EYA1: variants seen among roughly 807,000 people sequenced by gnomAD.
The protein encoded by EYA1 is protein phosphatase EYA1.
Under a neutral mutation model 82.0 loss-of-function variants are expected in EYA1, and 16 were observed. The observed-to-expected ratio is 0.20, with a 90% confidence interval of 0.13 to 0.30. The LOEUF is 0.30. Among genes scored for constraint, EYA1 ranks in the 10% least tolerant of loss-of-function variants. The pLI, the probability that EYA1 is intolerant of heterozygous loss-of-function variation, is 1.00. For missense variants in EYA1, 633 were observed against 730.7 expected, an observed-to-expected ratio of 0.87 and a Z score of 1.54; for synonymous variants, 261 against 264.4, an observed-to-expected ratio of 0.99 and a Z score of 0.12.
intron 2 of EYA1, among the ~76,000 whole-genome samples, chr8:71,452,119 T>A (rs1807433244): frequency 6.6e-6 from 1 of 152,208 alleles, no homozygotes; most frequent in African/African-American, 2.4e-5. Context: ...ACCAGGAGAT[T>A]ATATCCCACG....
chr8:71,538,952 C>T (rs1051409020), intron 1 of EYA1, among the ~76,000 whole-genome samples: 3 of 152,050 alleles, frequency 2.0e-5, no homozygotes, highest in Non-Finnish European at 4.4e-5. Context: ...GTGCATCTAC[C>T]CTAAATGGCC....
At chr8:71,512,384 A>G (rs1298812547) in intron 2 of EYA1, among the ~76,000 whole-genome samples, 1 of 152,084 alleles carries the variant, frequency 6.6e-6, no homozygotes, top group Non-Finnish European at 1.5e-5. Flanking sequence ...ATCAAAGACT[A>G]CATGATTTCT....
At chr8:71,531,316 T>C (rs148072809) in intron 2 of EYA1, 130 of 152,342 alleles carry the variant, frequency 8.5e-4, no homozygotes, top group African/African-American at 3.0e-3. Context: ...ATCTGTTTTA[T>C]AGCAGAAGAG....
At chr8:71,394,364 C>G (rs1219580701) in intron 2 of EYA1, among the ~76,000 whole-genome samples, 3 of 152,242 alleles carry the variant, frequency 2.0e-5, no homozygotes, top group Middle Eastern at 3.4e-3. Context: ...GAAGCCCTTG[C>G]CCATGCCTAT....
chr8:71,231,327 CAG>C (rs1413548635), intron 12 of EYA1, among the ~76,000 whole-genome samples: 2 of 152,228 alleles, frequency 1.3e-5, no homozygotes, highest in East Asian at 3.9e-4. Context: ...ATTCCCTTAG[CAG>C]AGTGTGCAAA....
chr8:71,491,725 G>T (rs1200913797), intron 2 of EYA1, among the ~76,000 whole-genome samples: 1 of 152,162 alleles, frequency 6.6e-6, no homozygotes. Flanking sequence ...GCTGTAGCAA[G>T]TTAACACACA....
chr8:71,539,565 C>T (rs867773374), intron 1 of EYA1, among the ~76,000 whole-genome samples: 13 of 152,136 alleles, frequency 8.5e-5, no homozygotes, highest in Middle Eastern at 3.2e-3. Flanking sequence ...ATTGATCTTT[C>T]GAACACCTTA....
At position 71,210,685 on chromosome 8, in the gene EYA1, G is replaced by A. The variant is rs958965790; in HGVS notation, c.1698+471C>T. Among the ~76,000 whole-genome samples, 69 of 152,178 alleles carry A rather than the reference G, an allele frequency of 4.5e-4. 1 individual carries two copies. Among genetic ancestry groups the A allele is most frequent in the African/African-American group, 1.6e-3 (67 of 41,454 alleles). On this transcript the variant is annotated intron_variant, in intron 17 of 17. Transcript: ENST00000340726. Reference sequence around the variant, plus strand: ...AGAGACAGGTAGGACCTCATGATATGAAGAAGACATCGAGTCTTCTGGGGC... The same window carrying A: ...AGAGACAGGTAGGACCTCATGATATAAAGAAGACATCGAGTCTTCTGGGGC...
At chr8:71,312,807 T>C (rs1261082786) in intron 7 of EYA1, among the ~76,000 whole-genome samples, 1 of 152,240 alleles carries the variant, frequency 6.6e-6, no homozygotes, top group Non-Finnish European at 1.5e-5. Context: ...ACTAGGTTAG[T>C]CCTTGGCATA....
At chr8:71,377,485 T>C (rs1203965296) in intron 2 of EYA1, among the ~76,000 whole-genome samples, 2 of 152,214 alleles carry the variant, frequency 1.3e-5, no homozygotes, top group East Asian at 3.8e-4. Context: ...AAGTCACTCT[T>C]GCAAATGATT....
At chr8:71,483,926 T>C (rs1423824987) in intron 2 of EYA1, among the ~76,000 whole-genome samples, 1 of 152,144 alleles carries the variant, frequency 6.6e-6, no homozygotes, top group Non-Finnish European at 1.5e-5. Context: ...TAAATTGTTT[T>C]CTTCTGTCAT....
chr8:71,401,080 G>A (rs1461396378), intron 2 of EYA1, among the ~76,000 whole-genome samples: 2 of 152,146 alleles, frequency 1.3e-5, no homozygotes, highest in African/African-American at 4.8e-5. Context: ...AGTGTGAGCT[G>A]AACAATGAGA....
At chr8:71,211,775 T>C (rs1305653420) in intron 16 of EYA1, among the ~76,000 whole-genome samples, 1 of 152,172 alleles carries the variant, frequency 6.6e-6, no homozygotes, top group Non-Finnish European at 1.5e-5. Flanking sequence ...ACATCGGAAT[T>C]AGCTTATTCC....
At chr8:71,502,101 A>AT (rs1473557746) in intron 2 of EYA1, among the ~76,000 whole-genome samples, 1 of 152,204 alleles carries the variant, frequency 6.6e-6, no homozygotes, top group Admixed American at 6.5e-5. Context: ...GGAAAACAAA[A>AT]TGATTTTAAA....
At chr8:71,221,113 A>G (rs1809852641) in intron 12 of EYA1, among the ~76,000 whole-genome samples, 2 of 152,246 alleles carry the variant, frequency 1.3e-5, no homozygotes, top group South Asian at 4.1e-4. Context: ...AAGAATTAAA[A>G]TTATATTTTG....
chr8:71,372,147 T>TCAA (rs1828122111), intron 2 of EYA1, among the ~76,000 whole-genome samples: 1 of 152,112 alleles, frequency 6.6e-6, no homozygotes, highest in African/African-American at 2.4e-5. Flanking sequence ...TCAATGGATA[T>TCAA]TATTCGGAAA....
At chr8:71,508,354 A>T (rs1039592115) in intron 2 of EYA1, among the ~76,000 whole-genome samples, 30 of 151,820 alleles carry the variant, frequency 2.0e-4, no homozygotes, top group Admixed American at 9.8e-4. Flanking sequence ...GCTCATTGCA[A>T]CCTCTGCCTC....
At chr8:71,525,110 G>C (rs1248676221) in intron 2 of EYA1, among the ~76,000 whole-genome samples, 1 of 152,124 alleles carries the variant, frequency 6.6e-6, no homozygotes, top group Non-Finnish European at 1.5e-5. Flanking sequence ...ATGAAGATGG[G>C]GGCTCAGAGA....
chr8:71,301,229 C>G (rs1253526591), intron 7 of EYA1, among the ~76,000 whole-genome samples: 1 of 152,148 alleles, frequency 6.6e-6, no homozygotes, highest in East Asian at 1.9e-4. Flanking sequence ...AACAGAGTTT[C>G]CAGTTCATCA....
Sources: gnomAD v4.1 joint callset for allele counts (sites outside exome capture counted in the v4.1 genomes callset) on GRCh38, gnomAD v4.1.1 for gene constraint, MANE v1.5 for transcripts, NCBI Gene and HGNC (gene_info 2026-07-23, HGNC 2026-07-21) for gene names.